DTD1: variants seen among roughly 807,000 people sequenced by gnomAD.
DTD1 encodes the protein D-tyrosyl-tRNA deacylase 1 homolog.
A neutral mutation model predicts 25.6 loss-of-function variants in DTD1; 13 were observed. The ratio of observed to expected loss-of-function variants is 0.51; its 90% CI spans 0.33 to 0.81. DTD1 has a LOEUF of 0.81. DTD1 is among the 30% of genes least tolerant of loss of function. DTD1 has a pLI of 0.02. For missense variants in DTD1, 193 were observed against 266.4 expected, an observed-to-expected ratio of 0.72 and a Z score of 1.92; for synonymous variants, 110 against 103.6, an observed-to-expected ratio of 1.06 and a Z score of -0.37.
chr20:18,588,838 T>C lies in DTD1; in HGVS notation c.43+723T>C, dbSNP rs778445016. 1.1e-5 allele frequency: 11 copies of C among 985,206 alleles called. No individual in the cohort carries two copies. In the South Asian group the frequency reaches 4.7e-4, roughly 42 times the overall value. The allele number at this position is 985,206 out of a possible 1,614,324, so 61.0% of individuals were successfully genotyped here. A position where few individuals can be genotyped will look rare whatever the true frequency, so the allele number is the denominator to read the frequency against. On this transcript the variant is annotated intron_variant, in intron 1 of 5. Coordinates refer to ENST00000377452, the MANE Select transcript of DTD1 (RefSeq NM_080820.6). ...TTTCGTCTCGGTTGGGCATCAGAGGTCCAGATGATTAGTGTAGATAAAGTA... is the reference window on the plus strand; with the variant it reads ...TTTCGTCTCGGTTGGGCATCAGAGGCCCAGATGATTAGTGTAGATAAAGTA...
At chr20:18,739,311 T>C (rs2061268299) in intron 4 of DTD1, among the ~76,000 whole-genome samples, 1 of 152,232 alleles carries the variant, frequency 6.6e-6, no homozygotes, top group South Asian at 2.1e-4. Flanking sequence ...ATGTTTTCAG[T>C]GGATTTAATC....
intron 3 of DTD1, among the ~76,000 whole-genome samples, chr20:18,617,102 T>C (rs545937390): frequency 6.6e-6 from 1 of 152,222 alleles, no homozygotes; most frequent in East Asian, 1.9e-4. Context: ...TCTTTCTCCT[T>C]AGCCGAGAGT....
chr20:18,643,862 ATG>A (rs372000389), intron 4 of DTD1, among the ~76,000 whole-genome samples: 6 of 150,934 alleles, frequency 4.0e-5, no homozygotes, highest in Admixed American at 6.6e-5. Flanking sequence ...GTATGTGTGT[ATG>A]TGTGTGTGTG....
intron 4 of DTD1, among the ~76,000 whole-genome samples, chr20:18,652,035 G>C (rs2060876156): frequency 6.6e-6 from 1 of 152,198 alleles, no homozygotes; most frequent in Admixed American, 6.5e-5. Flanking sequence ...AGGCTTCCAT[G>C]GCTTCTGAGA....
chr20:18,650,995 G>A (rs545331510), intron 4 of DTD1, among the ~76,000 whole-genome samples: 111 of 152,312 alleles, frequency 7.3e-4, no homozygotes, highest in African/African-American at 2.6e-3. Flanking sequence ...GGCAGAGCAG[G>A]AGAGAAACCT....
At chr20:18,591,145 T>C (rs1381774086) in intron 1 of DTD1, among the ~76,000 whole-genome samples, 3 of 152,210 alleles carry the variant, frequency 2.0e-5, no homozygotes, top group Non-Finnish European at 2.9e-5. Flanking sequence ...AAAAAATCCT[T>C]TTGAATCTCC....
chr20:18,631,268 C>T (rs2060786520), intron 4 of DTD1: 2 of 984,948 alleles, frequency 2.0e-6, no homozygotes, highest in Non-Finnish European at 2.4e-6. Flanking sequence ...AATGTGGGGC[C>T]CCTTGTTCAA....
chr20:18,661,909 T>C (rs747595328), intron 4 of DTD1, among the ~76,000 whole-genome samples: 3 of 152,140 alleles, frequency 2.0e-5, no homozygotes, highest in Non-Finnish European at 4.4e-5. Context: ...CCCAGCACTT[T>C]GGGAGACTGA....
chr20:18,633,293 G>C (rs1402532297), intron 4 of DTD1, among the ~76,000 whole-genome samples: 11 of 152,108 alleles, frequency 7.2e-5, no homozygotes, highest in African/African-American at 2.2e-4. Context: ...GCTGAGAAGA[G>C]GGTCAAGCTC....
chr20:18,708,450 G>T (rs2061144872), intron 4 of DTD1, among the ~76,000 whole-genome samples: 1 of 143,034 alleles, frequency 7.0e-6, no homozygotes, highest in Non-Finnish European at 1.5e-5. Flanking sequence ...TCACCTCCCT[G>T]GTTCAAGCGA....
chr20:18,745,048 A>G lies in DTD1; in HGVS notation c.*19+777A>G, dbSNP rs142851827. On this transcript the variant is annotated intron_variant, in intron 5 of 5. Coordinates refer to ENST00000377452, the MANE Select transcript of DTD1 (RefSeq NM_080820.6). ...GCCTGTGCAGAACACTCACTCACCG[A>G]TACAGAATCCAGATGCAGATGCAGA... is the stretch of plus-strand genomic sequence containing the variant. 3.3e-3 allele frequency among the ~76,000 whole-genome samples: 496 copies of G among 152,248 alleles called. 3 individuals carry two copies. Among genetic ancestry groups the G allele is most frequent in the African/African-American group, 0.012 (478 of 41,546 alleles).
chr20:18,707,733 T>A (rs975891739), intron 4 of DTD1, among the ~76,000 whole-genome samples: 7 of 152,082 alleles, frequency 4.6e-5, no homozygotes, highest in African/African-American at 1.7e-4. Flanking sequence ...CAGAAACTCT[T>A]ACAGTACATG....
chr20:18,599,812 A>G (rs1357608798), intron 3 of DTD1, among the ~76,000 whole-genome samples: 1 of 152,192 alleles, frequency 6.6e-6, no homozygotes, highest in African/African-American at 2.4e-5. Flanking sequence ...TCTGTATATC[A>G]TCTTTGGTGA....
At chr20:18,647,342 G>A (rs1438489042) in intron 4 of DTD1, among the ~76,000 whole-genome samples, 1 of 152,160 alleles carries the variant, frequency 6.6e-6, no homozygotes. Context: ...TTCTTCAAGA[G>A]CTTGTCCCTT....
At chr20:18,635,902 GT>G (rs2060805502) in intron 4 of DTD1, among the ~76,000 whole-genome samples, 1 of 152,218 alleles carries the variant, frequency 6.6e-6, no homozygotes, top group African/African-American at 2.4e-5. Flanking sequence ...ATTGAAAAGA[GT>G]TTTTTTCTCT....
In DTD1 at chr20:18,628,186, G is replaced by C; in HGVS notation, c.430G>C (p.Glu144Gln). ...HIQNDGPVTI[E>Q]LESPAPGTAT... ...TCAGAATGATGGGCCTGTGACCATAGAGCTGGAATCGCCAGCTCCCGGCAC... is the reference window on the plus strand; with the variant it reads ...TCAGAATGATGGGCCTGTGACCATACAGCTGGAATCGCCAGCTCCCGGCAC... Residue 144 changes from glutamate to glutamine, a missense_variant, in exon 4 of 6, where the codon GAG (glutamate) becomes CAG (glutamine). Coordinates refer to ENST00000377452, the MANE Select transcript of DTD1 (RefSeq NM_080820.6). The C allele has an allele frequency of 6.2e-7, 1 of 1,613,926 alleles. No homozygotes were observed. Among genetic ancestry groups the C allele is most frequent in the East Asian group, 2.2e-5 (1 of 44,866 alleles).
At chr20:18,745,988 G>A (rs1241929389) in intron 5 of DTD1, among the ~76,000 whole-genome samples, 1 of 152,196 alleles carries the variant, frequency 6.6e-6, no homozygotes, top group East Asian at 1.9e-4. Flanking sequence ...GAACAGAGGG[G>A]AAAGAGTGGG....
chr20:18,590,196 G>T (rs2060583548), intron 1 of DTD1, among the ~76,000 whole-genome samples: 1 of 152,122 alleles, frequency 6.6e-6, no homozygotes, highest in African/African-American at 2.4e-5. Context: ...GTTTGTTTTA[G>T]AGATGGGGTC....
chr20:18,740,244 C>T (rs2061271968), intron 4 of DTD1, among the ~76,000 whole-genome samples: 1 of 52,380 alleles, frequency 1.9e-5, no homozygotes, highest in African/African-American at 3.5e-5. Flanking sequence ...GAGGCCTTTG[C>T]ATGAGATTAC....
Sources: allele counts gnomAD v4.1 joint callset (sites outside exome capture counted in the v4.1 genomes callset), GRCh38; gene constraint gnomAD v4.1.1; transcripts MANE v1.5; gene names NCBI Gene and HGNC (gene_info 2026-07-23, HGNC 2026-07-21).